The following KLF1 variants were observed in gnomAD, a reference collection of about 807,000 sequenced individuals.
The protein encoded by KLF1 is KLF transcription factor 1.
KLF1 carries 29 observed loss-of-function variants against 28.0 expected under a neutral mutation model. The observed-to-expected ratio is 1.04, with a 90% CI of 0.77 to 1.41. The LOEUF (loss-of-function observed/expected upper bound fraction) is 1.41. Ranked by LOEUF, KLF1 falls within the 40% of genes most tolerant of loss-of-function variation. The probability of loss-of-function intolerance (pLI) is 0.00; values close to 1 mark genes in which losing one functional copy is unlikely to be tolerated. For missense variants in KLF1, 508 were observed against 515.1 expected (o/e 0.99, Z 0.13); for synonymous variants, 262 against 242.6 (o/e 1.08, Z -0.74).
Position 12,885,021 on chromosome 19 carries a change from C to T in KLF1, c.953G>A (p.Trp318Ter). ...CAGCTCGTCCGAGCGCGCGAATCTC[C>T]AGCCGCAGCCTTCCCACGTGCAGGC... ...PYACTWEGCGWRFARSDELTR... is the reference protein window; with the variant it reads ...PYACTWEGCG The change falls in exon 3 of 3, where the codon TGG (tryptophan) becomes TAG (stop). Residue 318 changes from tryptophan to a stop codon, truncating the protein, a stop_gained. Transcript: ENST00000264834. LOFTEE classifies it high-confidence loss of function. This position sits in a 1 kb window ranked among gnomAD's most constrained non-coding sequence, Gnocchi z 5.6. 2 of 1,609,190 alleles carry T rather than the reference C, an allele frequency of 1.2e-6. No homozygotes were observed. The highest frequency in any genetic ancestry group is 1.7e-6 in the Non-Finnish European group (2 of 1,179,994).
chr19:12,886,954 C>G (rs1970456193), intron 1 of KLF1, 100 bp downstream of exon 1: 3 of 1,206,452 alleles, frequency 2.5e-6, no homozygotes, highest in Non-Finnish European at 3.7e-6. Context: ...CTGGTTAAGT[C>G]TCTTGATTTC....
Position 12,887,128 on chromosome 19 carries a change from C to G in KLF1, c.13G>C (p.Glu5Gln), listed in dbSNP as rs483352842. 1 of 1,614,056 alleles carries G rather than the reference C, an allele frequency of 6.2e-7. No homozygotes were observed. The highest frequency in any genetic ancestry group is 8.5e-7 in the Non-Finnish European group (1 of 1,179,980). MATA[E>Q]TALPSISTLT... ...GTGCTGATGGAGGGCAAGGCGGTCT[C>G]GGCTGTGGCCATGGCTGGCTGGTGC... Residue 5 changes from glutamate to glutamine, a missense_variant, in exon 1 of 3, where the codon GAG becomes CAG. Physicochemically the swap from Glu to Gln is conservative, Grantham distance 29. Transcript: ENST00000264834. This position sits in a 1 kb window ranked among gnomAD's most constrained non-coding sequence, Gnocchi z 4.7.
chr19:12,886,186 G>A (rs1160489606), intron 1 of KLF1, 44 bp from the exon 2 acceptor site: 10 of 1,471,454 alleles, frequency 6.8e-6, no homozygotes, highest in African/African-American at 1.4e-5. Flanking sequence ...GGACACTGGG[G>A]TGCCCTGCCC....
Position 12,884,824 on chromosome 19 carries a change from A to G in KLF1, c.*61T>C. 1.3e-6 allele frequency: 2 copies of G among 1,583,502 alleles called. No homozygotes were observed. The highest frequency in any genetic ancestry group is 8.6e-7 in the Non-Finnish European group (1 of 1,156,932). On this transcript the variant is annotated 3_prime_UTR_variant, in exon 3 of 3. Transcript: ENST00000264834. ...TCACGCGCGTCCGTGTGAAGAGACC[A>G]CCAAACAGGCTTCTTGTCCCATCCC...
chr19:12,885,031 C>T lies in KLF1; in HGVS notation c.943G>A (p.Gly315Ser), dbSNP rs762517439. The change falls in exon 3 of 3, where the codon GGC becomes AGC. Residue 315 changes from glycine (G) to serine (S), a missense_variant. Physicochemically the swap from Gly to Ser is moderately conservative, Grantham distance 56. Coordinates refer to ENST00000264834, the MANE Select transcript of KLF1 (RefSeq NM_006563.5). The surrounding 1 kb of genome is among the most constrained non-coding windows in gnomAD (Gnocchi z 5.6). ...GEKPYACTWE[G>S]CGWRFARSDE... The stretch of plus-strand genomic sequence containing the variant: ...GAGCGCGCGAATCTCCAGCCGCAGC[C>T]TTCCCACGTGCAGGCGTATGGCTTC... 1 of 1,608,442 alleles carries T rather than the reference C, an allele frequency of 6.2e-7. No homozygotes were observed. The highest frequency in any genetic ancestry group is 1.7e-5 in the Admixed American group (1 of 60,020).
Position 12,886,101 on chromosome 19 carries a change from AG to A in KLF1, c.128del (p.Pro43LeufsTer11). ...SEEAQDMGPG[P>X]PDPTEPPLHV... is the part of the protein sequence containing the mutation. The stretch of plus-strand genomic sequence containing the variant: ...GGAGGGGCGGCTCCGTGGGGTCAGG[AG>A]GACCCGGGCCCATGTCCTGCGCCTC... On this transcript the variant is annotated frameshift_variant, in exon 2 of 3. Coordinates refer to ENST00000264834, the MANE Select transcript of KLF1 (RefSeq NM_006563.5). LOFTEE classifies it high-confidence loss of function. 6.2e-7 allele frequency: 1 copy of A among 1,606,678 alleles called. No individual in the cohort carries two copies. The highest frequency in any genetic ancestry group is 8.5e-7 in the Non-Finnish European group (1 of 1,178,630).
Position 12,885,940 on chromosome 19 carries a change from G to A in KLF1, c.290C>T (p.Ala97Val). Residue 97 changes from alanine (A) to valine (V), a missense_variant, in exon 2 of 3, where the codon GCG (alanine) becomes GTG (valine). Ala to Val is a moderately conservative substitution (Grantham distance 64). Transcript: ENST00000264834. This position sits in a 1 kb window ranked among gnomAD's most constrained non-coding sequence, Gnocchi z 5.6. ...TTGCGCCCCGGAGGCCTCGCTGGGC[G>A]CCAGAGCGCAGGTCTGGGGCGCGCC... Reference protein sequence around the residue: ...PGGAPQTCALAPSEASGAQYP... With the variant: ...PGGAPQTCALVPSEASGAQYP... The A allele has an allele frequency of 6.4e-7, 1 of 1,560,610 alleles. No homozygotes were observed. The highest frequency in any genetic ancestry group is 1.2e-5 in the South Asian group (1 of 85,272).
Position 12,885,717 on chromosome 19 carries a change from C to T in KLF1, c.513G>A (p.Pro171=). The change falls in exon 2 of 3, where the codon CCG becomes CCA. Residue 171 remains proline (P), a synonymous_variant. Coordinates refer to ENST00000264834, the MANE Select transcript of KLF1 (RefSeq NM_006563.5). This position sits in a 1 kb window ranked among gnomAD's most constrained non-coding sequence, Gnocchi z 5.6. ...PKALALQPVY[P]GPGAGSSGGY... ...CACCCGAGGAGCCGGCGCCGGGCCCCGGGTACACCGGTTGCAGCGCCAGCG... is the reference window on the plus strand; with the variant it reads ...CACCCGAGGAGCCGGCGCCGGGCCCTGGGTACACCGGTTGCAGCGCCAGCG... The T allele has an allele frequency of 6.6e-7, 1 of 1,514,376 alleles. No homozygotes were observed. The highest frequency in any genetic ancestry group is 1.2e-5 in the South Asian group (1 of 80,426). 93.8% of individuals were successfully genotyped at this position (1,514,376 alleles called of 1,614,324 possible).
chr19:12,885,912 A>T lies in KLF1; in HGVS notation c.318T>A (p.Tyr106Ter), dbSNP rs956697155. ...LAPSEASGAQ[Y>*]PPPPETLGAY... is the part of the protein sequence containing the mutation. Reference sequence around the variant, plus strand: ...CGCCCAGAGTCTCGGGCGGCGGCGGATATTGCGCCCCGGAGGCCTCGCTGG... The same window carrying T: ...CGCCCAGAGTCTCGGGCGGCGGCGGTTATTGCGCCCCGGAGGCCTCGCTGG... The change falls in exon 2 of 3, where the codon TAT (tyrosine) becomes TAA (stop). Residue 106 changes from tyrosine to a stop codon, truncating the protein, a stop_gained. Transcript: ENST00000264834. LOFTEE classifies it high-confidence loss of function. This position sits in a 1 kb window ranked among gnomAD's most constrained non-coding sequence, Gnocchi z 5.6. 2.6e-6 allele frequency: 4 copies of T among 1,551,834 alleles called. No homozygotes were observed. The highest frequency in any genetic ancestry group is 2.0e-5 in the Admixed American group (1 of 51,270).
Position 12,885,847 on chromosome 19 carries a change from C to A in KLF1, c.383G>T (p.Gly128Val). ...GGPGLVAGLLGSEDHSGWVRP... is the reference protein window; with the variant it reads ...GGPGLVAGLLVSEDHSGWVRP... ...CACCCAACCCGAGTGATCCTCCGAA[C>A]CCAAAAGCCCAGCCACCAGCCCCGG... Residue 128 changes from glycine (G) to valine (V), a missense_variant, in exon 2 of 3, where the codon GGT (glycine) becomes GTT (valine). Physicochemically the swap from Gly to Val is moderately radical, Grantham distance 109 (BLOSUM62 -3). Transcript: ENST00000264834. The surrounding 1 kb of genome is among the most constrained non-coding windows in gnomAD (Gnocchi z 5.6). The A allele has an allele frequency of 1.3e-6, 2 of 1,551,442 alleles. No individual in the cohort carries two copies. The highest frequency in any genetic ancestry group is 1.7e-4 in the Middle Eastern group (1 of 5,938).
chr19:12,884,622 G>T lies in KLF1; in HGVS notation c.*263C>A. 1 of 538,816 alleles carries T rather than the reference G, an allele frequency of 1.9e-6. No individual in the cohort carries two copies. The highest frequency in any genetic ancestry group is 3.3e-5 in the East Asian group (1 of 30,502). 33.4% of individuals were successfully genotyped at this position (538,816 alleles called of 1,614,324 possible). A position where few individuals can be genotyped will look rare whatever the true frequency, so the allele number is the denominator to read the frequency against. On this transcript the variant is annotated 3_prime_UTR_variant, in exon 3 of 3. Coordinates refer to ENST00000264834, the MANE Select transcript of KLF1 (RefSeq NM_006563.5). ...GTTTATTTGGCGGTCTGTCTCACTGGGTTTGCACGACAGTTTGGACATCTC... is the reference window on the plus strand; with the variant it reads ...GTTTATTTGGCGGTCTGTCTCACTGTGTTTGCACGACAGTTTGGACATCTC...
chr19:12,886,729 C>G (rs756262796), intron 1 of KLF1, among the ~76,000 whole-genome samples: 1 of 151,610 alleles, frequency 6.6e-6, no homozygotes, highest in African/African-American at 2.4e-5. Flanking sequence ...CATCAGCCTA[C>G]GGAGTACCTG....
Position 12,884,974 on chromosome 19 carries a change from T to C in KLF1, c.1000A>G (p.Thr334Ala). The C allele has an allele frequency of 6.2e-7, 1 of 1,613,578 alleles. No individual in the cohort carries two copies. Among genetic ancestry groups the C allele is most frequent in the Non-Finnish European group, 8.5e-7 (1 of 1,180,014 alleles). Residue 334 changes from threonine to alanine, a missense_variant, in exon 3 of 3, where the codon ACG (threonine) becomes GCG (alanine). Physicochemically the swap from Thr to Ala is moderately conservative, Grantham distance 58 (BLOSUM62 0). Transcript: ENST00000264834. The stretch of plus-strand genomic sequence containing the variant: ...TGGCAGCGGAAGGGGCGCTGCCCCG[T>C]GTGTTTCCGGTAGTGGCGGGTCAGC... ...DELTRHYRKH[T>A]GQRPFRCQLC...
In KLF1 at chr19:12,885,879, A is replaced by G; in HGVS notation, c.351T>C (p.Ala117=). ...GCCCAGCCACCAGCCCCGGGCCGCC[A>G]GCATATGCGCCCAGAGTCTCGGGCG... ...PPPPETLGAY[A]GGPGLVAGLL... is the part of the protein sequence containing the mutation. The change falls in exon 2 of 3, where the codon GCT becomes GCC. Residue 117 remains alanine, a synonymous_variant. Transcript: ENST00000264834. The surrounding 1 kb of genome is among the most constrained non-coding windows in gnomAD (Gnocchi z 5.6). The G allele has an allele frequency of 6.4e-7, 1 of 1,552,328 alleles. No homozygotes were observed. Among genetic ancestry groups the G allele is most frequent in the East Asian group, 2.4e-5 (1 of 40,990 alleles).
rs1464589984 is a variant in KLF1 at position 12,885,474 on chromosome 19, T to G, written c.756A>C (p.Ala252=). Residue 252 remains alanine (A), a synonymous_variant, in exon 2 of 3, where the codon GCA becomes GCC. Transcript: ENST00000264834. The surrounding 1 kb of genome is among the most constrained non-coding windows in gnomAD (Gnocchi z 5.6). ...TCTCGGCTATCACACCTGGATCCTC[T>G]GCAGTCCCCCCGAGTCCAGTGCCCA... ...GTVGTGLGGT[A]EDPGVIAETA... 1 of 1,603,684 alleles carries G rather than the reference T, an allele frequency of 6.2e-7. No homozygotes were observed.
rs1284640048 is a variant in KLF1, at chr19:12,885,433, C to T, written c.797G>A (p.Arg266Gln). 1.9e-6 allele frequency: 3 copies of T among 1,605,566 alleles called. No homozygotes were observed. The highest frequency in any genetic ancestry group is 1.3e-5 in the African/African-American group (1 of 74,774). ...CTTGCGCGCCCACGAACGTCGGCCTCGCTTGGATGGCGCGGTCTCGGCTAT... is the reference window on the plus strand; with the variant it reads ...CTTGCGCGCCCACGAACGTCGGCCTTGCTTGGATGGCGCGGTCTCGGCTAT... The part of the protein sequence containing the change: ...GVIAETAPSK[R>Q]GRRSWARKRQ... Residue 266 changes from arginine (R) to glutamine (Q), a missense_variant, in exon 2 of 3, where the codon CGA (arginine) becomes CAA (glutamine). Transcript: ENST00000264834. This position sits in a 1 kb window ranked among gnomAD's most constrained non-coding sequence, Gnocchi z 5.6.
intron 1 of KLF1, among the ~76,000 whole-genome samples, chr19:12,886,480 C>T (rs1368047426): frequency 1.3e-5 from 2 of 152,056 alleles, no homozygotes; most frequent in African/African-American, 4.8e-5. Flanking sequence ...CTTAGTTTTC[C>T]CCCAGAACAT....
chr19:12,884,647 C>G lies in KLF1; in HGVS notation c.*238G>C. ...GGTTTGCACGACAGTTTGGACATCT[C>G]TGTGTGGCTCCCTGTGGCTGAAGGC... On this transcript the variant is annotated 3_prime_UTR_variant, in exon 3 of 3. Transcript: ENST00000264834. The G allele has an allele frequency of 1.7e-6, 1 of 576,222 alleles. No homozygotes were observed. The highest frequency in any genetic ancestry group is 3.0e-5 in the East Asian group (1 of 33,752). 35.7% of individuals were successfully genotyped at this position (576,222 alleles called of 1,614,324 possible). A position where few individuals can be genotyped will look rare whatever the true frequency, so the allele number is the denominator to read the frequency against.
Position 12,884,761 on chromosome 19 carries a change from G to A in KLF1, c.*124C>T, listed in dbSNP as rs976527064. 8 of 1,039,126 alleles carry A rather than the reference G, an allele frequency of 7.7e-6. No homozygotes were observed. The highest frequency in any genetic ancestry group is 4.8e-4 in the Middle Eastern group (2 of 4,164). 64.4% of individuals were successfully genotyped at this position (1,039,126 alleles called of 1,614,324 possible). A position where few individuals can be genotyped will look rare whatever the true frequency, so the allele number is the denominator to read the frequency against. On this transcript the variant is annotated 3_prime_UTR_variant, in exon 3 of 3. Coordinates refer to ENST00000264834, the MANE Select transcript of KLF1 (RefSeq NM_006563.5). ...TGGATCTTTGGGAACGCGAGTCCAG[G>A]AGAGGGTCCATTCGTGGGAAAACCA...
Sources: allele counts gnomAD v4.1 joint callset (sites outside exome capture counted in the v4.1 genomes callset), GRCh38; gene constraint gnomAD v4.1.1; non-coding constraint Gnocchi (gnomAD v3.1); transcripts MANE v1.5; gene names NCBI Gene and HGNC (gene_info 2026-07-23, HGNC 2026-07-21).